The following BTD variants were observed in gnomAD, a reference collection of about 807,000 sequenced individuals.
BTD encodes the protein biocytinase.
In BTD, 13 loss-of-function variants were observed where a neutral mutation model predicts 17.7. The ratio of observed to expected loss-of-function variants is 0.74; its 90% CI spans 0.48 to 1.17. BTD has a LOEUF of 1.17. Ranked by LOEUF, BTD falls within the 50% of genes most tolerant of loss-of-function variation. The pLI is 0.00. For missense variants in BTD, 674 were observed against 650.4 expected (o/e 1.04, Z -0.39); for synonymous variants, 240 against 245.2 (o/e 0.98, Z 0.20).
downstream of BTD, among the ~76,000 whole-genome samples, chr3:15,656,679 A>G (rs1475175190): frequency 1.3e-5 from 2 of 152,178 alleles, no homozygotes; most frequent in African/African-American, 2.4e-5. Flanking sequence ...CAAAGACTCA[A>G]TTTGTAATAT....
chr3:15,674,147 G>A (rs947128142), intron 3 of BTD, among the ~76,000 whole-genome samples: 2 of 115,310 alleles, frequency 1.7e-5, no homozygotes, highest in African/African-American at 6.7e-5. Context: ...ACTCTAGTCT[G>A]GGCAACAGAG....
At chr3:15,704,163 TAGC>T (rs2071023471) in intron 3 of BTD, among the ~76,000 whole-genome samples, 1 of 152,184 alleles carries the variant, frequency 6.6e-6, no homozygotes, top group Admixed American at 6.6e-5. Flanking sequence ...TTCATTGCGA[TAGC>T]AGCCATATAT....
chr3:15,645,750 A>C lies in BTD; in HGVS notation c.*262A>C. 4.3e-6 allele frequency: 2 copies of C among 465,148 alleles called. No homozygotes were observed. The highest frequency in any genetic ancestry group is 7.7e-6 in the Non-Finnish European group (2 of 260,488). The allele number at this position is 465,148 out of a possible 1,614,324, so 28.8% of individuals were successfully genotyped here. ...TTTCAAGCCACATCTTCCTCTAACA[A>C]ATCTCTCAGTATGCGATTGGTCTCA... On this transcript the variant is annotated 3_prime_UTR_variant, in exon 4 of 4. Transcript: ENST00000643237.
intron 1 of BTD, among the ~76,000 whole-genome samples, chr3:15,608,553 G>A (rs1163967935): frequency 6.6e-6 from 1 of 152,130 alleles, no homozygotes; most frequent in Non-Finnish European, 1.5e-5. Context: ...GGATCACGAG[G>A]TCAGTAGATT....
At chr3:15,714,765 G>A, downstream of BTD, 1 of 748,298 alleles carries the variant, frequency 1.3e-6, no homozygotes, top group Non-Finnish European at 2.0e-6. Context: ...TATTTTACAT[G>A]AATTAAGTTT....
rs776176463 is a variant in BTD, at chr3:15,644,831, G to A, written c.915G>A (p.Met305Ile). The A allele has an allele frequency of 1.9e-6, 3 of 1,614,168 alleles. No individual in the cohort carries two copies. The highest frequency in any genetic ancestry group is 3.3e-5 in the Admixed American group (2 of 60,020). The change falls in exon 4 of 4, where the codon ATG becomes ATA. Residue 305 changes from methionine (M) to isoleucine (I), a missense_variant. By Grantham distance (10) the Met-to-Ile change is conservative (BLOSUM62 1). Transcript: ENST00000643237. ...TPLESFWYHD[M>I]ENPKSHLIIA... ...TGGAGTCCTTTTGGTACCATGACATGGAAAATCCCAAAAGTCACCTTATAA... is the reference window on the plus strand; with the variant it reads ...TGGAGTCCTTTTGGTACCATGACATAGAAAATCCCAAAAGTCACCTTATAA...
chr3:15,701,199 A>G (rs2070551207), intron 3 of BTD, among the ~76,000 whole-genome samples: 1 of 152,248 alleles, frequency 6.6e-6, no homozygotes, highest in Non-Finnish European at 1.5e-5. Context: ...ATTTCTTTAA[A>G]TGCTGAATTT....
At chr3:15,714,638 G>A, downstream of BTD, 1 of 1,596,090 alleles carries the variant, frequency 6.3e-7, no homozygotes, top group Non-Finnish European at 8.5e-7. Flanking sequence ...ATGTGTAGTG[G>A]GGTTTTCCCA....
Position 15,721,046 on chromosome 3 carries a change from T to A in BTD, c.1016-724T>A, listed in dbSNP as rs763761780. The A allele has an allele frequency of 1.9e-6, 3 of 1,613,902 alleles. No individual in the cohort carries two copies. Among genetic ancestry groups the A allele is most frequent in the Non-Finnish European group, 2.5e-6 (3 of 1,179,826 alleles). On this transcript the variant is annotated intron_variant, in intron 4 of 4. Coordinates refer to the BTD transcript ENST00000672427. ...TGATTCACAATAGCACCACAGTCTA[T>A]AAGTTCATTCACTACAACATCTTGT...
chr3:15,666,217 G>A (rs1207732192), intron 3 of BTD, among the ~76,000 whole-genome samples: 1 of 152,110 alleles, frequency 6.6e-6, no homozygotes, highest in Non-Finnish European at 1.5e-5. Context: ...TAAAATGAGG[G>A]GAACTTACAT....
chr3:15,696,181 C>T (rs755807048), intron 3 of BTD: 2 of 1,594,996 alleles, frequency 1.3e-6, no homozygotes. Context: ...TAATGAACTG[C>T]GTTGTATCCT....
rs1008921083 is a variant in BTD at position 15,635,745 on chromosome 3, C to G, written c.249+57C>G. 5.0e-6 allele frequency: 8 copies of G among 1,610,180 alleles called. No individual in the cohort carries two copies. The African/African-American group carries it at 5.3e-5, about 11-fold the overall frequency. Reference sequence around the variant, plus strand: ...TCATACAGAGCAGATTGCTCTTTACCCCTTGATCAGTGGTTGGGTAATCCC... The same window carrying G: ...TCATACAGAGCAGATTGCTCTTTACGCCTTGATCAGTGGTTGGGTAATCCC... On this transcript the variant is annotated intron_variant, in intron 2 of 3. Coordinates refer to ENST00000643237, the MANE Select transcript of BTD (RefSeq NM_001370658.1). The surrounding 1 kb of genome is among the most constrained non-coding windows in gnomAD (Gnocchi z 4.1).
intron 3 of BTD, 170 bp downstream of exon 3, chr3:15,642,227 G>T: frequency 6.8e-7 from 1 of 1,470,892 alleles, no homozygotes; most frequent in Non-Finnish European, 9.0e-7. Context: ...ATTAAAGAAT[G>T]TCTGACGTTA....
chr3:15,676,221 T>A, intron 3 of BTD: 1 of 393,138 alleles, frequency 2.5e-6, no homozygotes, highest in Middle Eastern at 4.9e-4. Context: ...ATAGGTCCCA[T>A]CGACAGGTCC....
At chr3:15,606,272 C>G (rs1048205822) in intron 1 of BTD, among the ~76,000 whole-genome samples, 1 of 152,156 alleles carries the variant, frequency 6.6e-6, no homozygotes, top group African/African-American at 2.4e-5. Context: ...GAATCAGCAT[C>G]TTAGGACAAG....
rs533499023 is a variant in BTD at position 15,698,782 on chromosome 3, G to A, written c.400-11278G>A. 7.0e-4 allele frequency among the ~76,000 whole-genome samples: 106 copies of A among 152,256 alleles called. 1 individual carries two copies. The highest frequency in any genetic ancestry group is 2.5e-3 in the Admixed American group (38 of 15,290). On this transcript the variant is annotated intron_variant, in intron 3 of 3. Coordinates refer to the BTD transcript ENST00000672141. ...AAGAACATTCCATGCTCATGGACAGGAAGAATCAATATTGTGAAAATGGCC... is the reference window on the plus strand; with the variant it reads ...AAGAACATTCCATGCTCATGGACAGAAAGAATCAATATTGTGAAAATGGCC...
intron 3 of BTD, among the ~76,000 whole-genome samples, chr3:15,702,411 T>C (rs967315219): frequency 6.6e-6 from 1 of 152,234 alleles, no homozygotes; most frequent in Non-Finnish European, 1.5e-5. Flanking sequence ...ATGTTCATTT[T>C]ATGAAACGCA....
At chr3:15,671,874 T>G (rs373031244) in intron 3 of BTD, among the ~76,000 whole-genome samples, 1 of 152,030 alleles carries the variant, frequency 6.6e-6, no homozygotes, top group African/African-American at 2.4e-5. Context: ...GTGAACCACC[T>G]TACCCAGCCT....
At chr3:15,685,262 G>C in intron 3 of BTD, 2 of 1,613,982 alleles carry the variant, frequency 1.2e-6, no homozygotes, top group Non-Finnish European at 1.7e-6. Context: ...GTATATCCAT[G>C]ATTGTCTGCT....
Sources: allele counts gnomAD v4.1 joint callset (sites outside exome capture counted in the v4.1 genomes callset), GRCh38; gene constraint gnomAD v4.1.1; non-coding constraint Gnocchi (gnomAD v3.1); transcripts MANE v1.5; gene names NCBI Gene and HGNC (gene_info 2026-07-23, HGNC 2026-07-21).